KIAA1217: variants seen among roughly 807,000 people sequenced by gnomAD.
KIAA1217 encodes the protein KIAA1217, also known as sickle tail protein homolog.
Under a neutral mutation model 163.9 loss-of-function variants are expected in KIAA1217, and 88 were observed. That is an observed-to-expected ratio of 0.54 (90% CI 0.45 to 0.64). The LOEUF (loss-of-function observed/expected upper bound fraction) is 0.64. Ranked by LOEUF, KIAA1217 falls within the 30% of genes least tolerant of loss-of-function variation. KIAA1217 has a pLI of 0.00. For missense variants in KIAA1217, 2,372 were observed against 2,475.0 expected, an observed-to-expected ratio of 0.96 and a Z score of 0.88; for synonymous variants, 903 against 923.1, an observed-to-expected ratio of 0.98 and a Z score of 0.39.
At chr10:23,979,432 T>C (rs1845674765) in intron 1 of KIAA1217, among the ~76,000 whole-genome samples, 1 of 152,220 alleles carries the variant, frequency 6.6e-6, no homozygotes, top group Admixed American at 6.5e-5. Context: ...ACAACCGCAT[T>C]TTTCGTGTCT....
At chr10:23,938,108 A>C (rs1250107497) in intron 1 of KIAA1217, among the ~76,000 whole-genome samples, 1 of 152,208 alleles carries the variant, frequency 6.6e-6, no homozygotes, top group Non-Finnish European at 1.5e-5. Flanking sequence ...CAGCATCTAT[A>C]TGTTGGGAAA....
chr10:24,080,342 TTTTA>T (rs1277013208), intron 2 of KIAA1217, among the ~76,000 whole-genome samples: 1 of 152,164 alleles, frequency 6.6e-6, no homozygotes, highest in Non-Finnish European at 1.5e-5. Flanking sequence ...TTGTCCTTGG[TTTTA>T]TTTAAGAAGA....
chr10:23,986,620 G>A (rs1204586434), intron 1 of KIAA1217, among the ~76,000 whole-genome samples: 1 of 152,082 alleles, frequency 6.6e-6, no homozygotes, highest in Non-Finnish European at 1.5e-5. Context: ...AGTTGGTTGA[G>A]TCCACATACG....
rs564348846 is a variant in KIAA1217 at position 23,810,264 on chromosome 10, CCTGT to C, written c.-321+115033_-321+115036del. The stretch of plus-strand genomic sequence containing the variant: ...TACCTACCCTCTTTCTGACTACCTA[CCTGT>C]CTATCTGTATATATATATATGAAAA... On this transcript the variant is annotated intron_variant, in intron 1 of 18. Coordinates refer to the KIAA1217 transcript ENST00000376462. Among the ~76,000 whole-genome samples the C allele has an allele frequency of 6.9e-4, 103 of 149,664 alleles. 1 individual carries two copies. The highest frequency in any genetic ancestry group is 3.6e-3 in the Admixed American group (53 of 14,854).
At chr10:24,154,427 C>T (rs1432521238) in intron 2 of KIAA1217, among the ~76,000 whole-genome samples, 1 of 151,302 alleles carries the variant, frequency 6.6e-6, no homozygotes, top group African/African-American at 2.4e-5. Flanking sequence ...ACTCTATCTA[C>T]AAGAAAATAA....
chr10:23,954,191 A>G (rs1217559090), intron 1 of KIAA1217, among the ~76,000 whole-genome samples: 1 of 152,144 alleles, frequency 6.6e-6, no homozygotes, highest in African/African-American at 2.4e-5. Flanking sequence ...TAGTAAGTCA[A>G]TAGACGGAAA....
chr10:23,708,066 G>T (rs1381930529), intron 1 of KIAA1217, among the ~76,000 whole-genome samples: 6 of 152,156 alleles, frequency 3.9e-5, no homozygotes. Flanking sequence ...GTTCAATGTG[G>T]CTGGGGAGGC....
intron 1 of KIAA1217, among the ~76,000 whole-genome samples, chr10:23,778,442 T>C (rs569360089): frequency 6.7e-4 from 102 of 152,236 alleles, no homozygotes; most frequent in African/African-American, 2.3e-3. Flanking sequence ...CTAAATTTGC[T>C]TCAGATATTG....
At position 24,524,633 on chromosome 10, in the gene KIAA1217, G is replaced by A. The variant is rs2071808662; in HGVS notation, c.2767G>A (p.Ala923Thr). 2 of 1,614,116 alleles carry A rather than the reference G, an allele frequency of 1.2e-6. No homozygotes were observed. The highest frequency in any genetic ancestry group is 1.7e-6 in the Non-Finnish European group (2 of 1,180,042). Residue 923 changes from alanine (A) to threonine (T), a missense_variant, in exon 13 of 21, where the codon GCA becomes ACA. Physicochemically the swap from Ala to Thr is moderately conservative, Grantham distance 58. Transcript: ENST00000376454. ...CAGCTCCCCAGCCGTCCCCCAGGAA[G>A]CAACCTCCACTCTGCAGATGTCGCA... The part of the protein sequence containing the change: ...VASSPAVPQE[A>T]TSTLQMSQAP...
chr10:24,211,572 ATTGT>A lies in KIAA1217; in HGVS notation c.70+2310_70+2313del, dbSNP rs1196232692. On this transcript the variant is annotated intron_variant, in intron 1 of 20. Coordinates refer to ENST00000376454, the MANE Select transcript of KIAA1217 (RefSeq NM_019590.5). ...ATTGTATTGTATTGTATTGTATTGT[ATTGT>A]ATTGTATTGTATTGTATTTTATTTT... Among the ~76,000 whole-genome samples, 312 of 142,462 alleles carry A rather than the reference ATTGT, an allele frequency of 2.2e-3. 9 individuals carry two copies. The highest frequency in any genetic ancestry group is 0.014 in the Middle Eastern group (4 of 282). The allele number at this position is 142,462 out of a possible 152,430, so 93.5% of individuals were successfully genotyped here.
chr10:24,337,436 T>C (rs1228659023), intron 2 of KIAA1217, among the ~76,000 whole-genome samples: 1 of 152,204 alleles, frequency 6.6e-6, no homozygotes, highest in Non-Finnish European at 1.5e-5. Context: ...GGGAAGTTGA[T>C]GCTGTGCCCA....
chr10:24,457,344 T>TTGTGTGTGTGTGTG (rs376333005), intron 5 of KIAA1217, among the ~76,000 whole-genome samples: 1 of 130,732 alleles, frequency 7.6e-6, no homozygotes, highest in African/African-American at 2.6e-5. Flanking sequence ...GTTTTTTGTT[T>TTGTGTGTGTGTGTG]TGTGTGTGTG....
At chr10:24,484,241 A>ATATATATATATTTTTTTTTTTTTT (rs1376083298) in intron 6 of KIAA1217, among the ~76,000 whole-genome samples, 11 of 75,150 alleles carry the variant, frequency 1.5e-4, no homozygotes, top group East Asian at 4.6e-4. Flanking sequence ...ATATATATAT[A>ATATATATATATTTTTTTTTTTTTT]TTTTTTTTTT....
chr10:24,225,062 T>A (rs1023513108), intron 2 of KIAA1217, among the ~76,000 whole-genome samples: 13 of 152,128 alleles, frequency 8.5e-5, no homozygotes, highest in African/African-American at 3.1e-4. Flanking sequence ...CCTGACATTG[T>A]GATCTGCCCG....
At chr10:24,097,827 G>A (rs757191043) in intron 2 of KIAA1217, among the ~76,000 whole-genome samples, 1 of 152,090 alleles carries the variant, frequency 6.6e-6, no homozygotes, top group Admixed American at 6.5e-5. Flanking sequence ...TAATTTTCTC[G>A]GCAGGTGGTC....
intron 1 of KIAA1217, among the ~76,000 whole-genome samples, chr10:23,990,677 A>G (rs1254968927): frequency 6.6e-6 from 1 of 152,184 alleles, no homozygotes; most frequent in African/African-American, 2.4e-5. Flanking sequence ...CTAGCTTTGC[A>G]AAAACATTAA....
intron 1 of KIAA1217, among the ~76,000 whole-genome samples, chr10:23,744,052 G>A (rs1241973223): frequency 2.6e-5 from 4 of 152,140 alleles, no homozygotes; most frequent in Non-Finnish European, 2.9e-5. Context: ...CACATCCCAC[G>A]TAGAAGGGAA....
intron 6 of KIAA1217, among the ~76,000 whole-genome samples, chr10:24,489,198 T>G (rs80247853): frequency 0.027 from 4,156 of 151,794 alleles, 167 homozygotes; most frequent in African/African-American, 0.09. Context: ...CTATGATCAT[T>G]CGTGCTGTAC....
At chr10:24,534,801 G>A (rs7906933) in intron 16 of KIAA1217, among the ~76,000 whole-genome samples, 88,581 of 149,856 alleles carry the variant, frequency 0.59, 26,495 homozygotes, top group Middle Eastern at 0.66. Flanking sequence ...AAATCACTTG[G>A]ACCCGGGAGG....
Sources: gnomAD v4.1 joint callset for allele counts (sites outside exome capture counted in the v4.1 genomes callset) on GRCh38, gnomAD v4.1.1 for gene constraint, MANE v1.5 for transcripts, NCBI Gene and HGNC (gene_info 2026-07-23, HGNC 2026-07-21) for gene names.